ITPRID1: variants seen among roughly 807,000 people sequenced by gnomAD.
The protein encoded by ITPRID1 is ITPR interacting domain containing 1.
ITPRID1 carries 96 observed loss-of-function variants against 95.4 expected under a neutral mutation model. That is an observed-to-expected ratio of 1.01 (90% CI 0.85 to 1.19). The LOEUF is 1.19. Among genes scored for constraint, ITPRID1 ranks in the 50% most tolerant of loss-of-function variants. ITPRID1 has a pLI of 0.00. For missense variants in ITPRID1, 1,339 were observed against 1,252.9 expected (o/e 1.07, Z -1.04); for synonymous variants, 510 against 453.6 (o/e 1.12, Z -1.58).
intron 5 of ITPRID1, among the ~76,000 whole-genome samples, chr7:31,565,622 C>T (rs934483929): frequency 3.9e-5 from 6 of 152,156 alleles, no homozygotes; most frequent in African/African-American, 1.4e-4. Flanking sequence ...CTTGTAATCT[C>T]AGCTACTAGT....
At chr7:31,585,189 C>T (rs1249540772) in intron 10 of ITPRID1, among the ~76,000 whole-genome samples, 1 of 152,178 alleles carries the variant, frequency 6.6e-6, no homozygotes, top group African/African-American at 2.4e-5. Flanking sequence ...CCCACAGAGT[C>T]AGGAGGTAGT....
chr7:31,553,312 CT>C, intron 3 of ITPRID1, 125 bp downstream of exon 3: 1 of 855,956 alleles, frequency 1.2e-6, no homozygotes, highest in Non-Finnish European at 1.8e-6. Context: ...ACCAGTGTTC[CT>C]GGCATGATGC....
chr7:31,631,808 T>C (rs1789025824), intron 10 of ITPRID1, among the ~76,000 whole-genome samples: 1 of 152,258 alleles, frequency 6.6e-6, no homozygotes, highest in African/African-American at 2.4e-5. Context: ...CTCTTCTGCC[T>C]GAGACTTTTG....
chr7:31,523,871 C>T (rs1783344415), intron 1 of ITPRID1, among the ~76,000 whole-genome samples: 1 of 152,134 alleles, frequency 6.6e-6, no homozygotes, highest in Non-Finnish European at 1.5e-5. Flanking sequence ...TATAAACTAG[C>T]TCTTGTTAGG....
intron 1 of ITPRID1, among the ~76,000 whole-genome samples, chr7:31,546,176 G>A (rs1042015719): frequency 5.3e-5 from 8 of 152,010 alleles, no homozygotes; most frequent in African/African-American, 1.9e-4. Context: ...CATGCCCAAT[G>A]TCATACAGCC....
downstream of ITPRID1, among the ~76,000 whole-genome samples, chr7:31,658,013 G>C (rs1791376035): frequency 6.6e-6 from 1 of 152,102 alleles, no homozygotes; most frequent in Non-Finnish European, 1.5e-5. Flanking sequence ...CAAAAGCTTT[G>C]AATAGGTAAG....
intron 6 of ITPRID1, among the ~76,000 whole-genome samples, chr7:31,571,030 T>TG (rs1784969059): frequency 4.6e-5 from 7 of 150,658 alleles, no homozygotes; most frequent in Admixed American, 3.3e-4. Context: ...ATTGTTTTTT[T>TG]TTGTTTGTTT....
At chr7:31,608,516 G>A (rs182168889) in intron 10 of ITPRID1, among the ~76,000 whole-genome samples, 14 of 151,678 alleles carry the variant, frequency 9.2e-5, no homozygotes, top group Admixed American at 9.2e-4. Context: ...CCATTTATTT[G>A]GTCTTCTTTA....
In ITPRID1 at chr7:31,642,266, G is replaced by T; in HGVS notation, c.1311+8G>T. ...GAACCGCTGCCCCTCCAGGTAGGAG[G>T]GTTTGGAACAGGGCCCTGTTGCTCA... On this transcript the variant is annotated splice_region_variant and intron_variant, in intron 11 of 14. Coordinates refer to ENST00000615280, the MANE Select transcript of ITPRID1 (RefSeq NM_001257967.3). 4 of 1,543,312 alleles carry T rather than the reference G, an allele frequency of 2.6e-6. No individual in the cohort carries two copies. Among genetic ancestry groups the T allele is most frequent in the South Asian group, 2.4e-5 (2 of 83,526 alleles).
intron 10 of ITPRID1, among the ~76,000 whole-genome samples, chr7:31,619,953 A>G (rs955764303): frequency 3.3e-5 from 5 of 152,182 alleles, no homozygotes; most frequent in Admixed American, 1.3e-4. Context: ...CCAGGAGACT[A>G]TATCCCGCAC....
Position 31,643,690 on chromosome 7 carries a change from C to T in ITPRID1, c.2320C>T (p.His774Tyr), listed in dbSNP as rs1790221044. The change falls in exon 12 of 15, where the codon CAT becomes TAT. Residue 774 changes from histidine to tyrosine, a missense_variant. His to Tyr is a moderately conservative substitution (Grantham distance 83). Transcript: ENST00000615280. ...AGCTCTAAGCAACAAGACCTTGACA[C>T]ATGGGCCCCAGCCCCTCACCAAATC... The part of the protein sequence containing the change: ...TSALSNKTLT[H>Y]GPQPLTKSVS... The T allele has an allele frequency of 1.9e-6, 3 of 1,614,072 alleles. No homozygotes were observed. The highest frequency in any genetic ancestry group is 2.7e-5 in the African/African-American group (2 of 75,084).
At chr7:31,566,099 G>A (rs369428364) in intron 5 of ITPRID1, among the ~76,000 whole-genome samples, 1 of 152,214 alleles carries the variant, frequency 6.6e-6, no homozygotes, top group South Asian at 2.1e-4. Context: ...GGTCCATGGA[G>A]TGTATCCTCT....
At chr7:31,566,915 G>A (rs1784819935) in intron 5 of ITPRID1, among the ~76,000 whole-genome samples, 1 of 152,180 alleles carries the variant, frequency 6.6e-6, no homozygotes, top group Non-Finnish European at 1.5e-5. Flanking sequence ...GCTCCTGAAG[G>A]TGCCTCACGG....
At chr7:31,638,452 C>T (rs866397103) in intron 10 of ITPRID1, among the ~76,000 whole-genome samples, 5 of 152,134 alleles carry the variant, frequency 3.3e-5, no homozygotes, top group Middle Eastern at 3.2e-3. Context: ...TTTATAATAA[C>T]AGGTGTTTAT....
At chr7:31,574,801 C>T in intron 8 of ITPRID1, 59 bp downstream of exon 8, 1 of 1,484,262 alleles carries the variant, frequency 6.7e-7, no homozygotes, top group Non-Finnish European at 9.4e-7. Flanking sequence ...GGCAGGTGGG[C>T]CACAGTGTAG....
intron 9 of ITPRID1, among the ~76,000 whole-genome samples, chr7:31,579,396 T>A (rs1240307140): frequency 6.6e-6 from 1 of 152,236 alleles, no homozygotes; most frequent in Non-Finnish European, 1.5e-5. Flanking sequence ...GTGGGCTTAC[T>A]TCTCCGTTGA....
intron 5 of ITPRID1, among the ~76,000 whole-genome samples, chr7:31,562,638 C>A (rs1306334564): frequency 6.6e-6 from 1 of 152,106 alleles, no homozygotes; most frequent in East Asian, 1.9e-4. Flanking sequence ...GTGAAGGGAA[C>A]AATGATGTAA....
At chr7:31,604,057 T>C (rs1204299663) in intron 10 of ITPRID1, among the ~76,000 whole-genome samples, 1 of 152,206 alleles carries the variant, frequency 6.6e-6, no homozygotes, top group East Asian at 1.9e-4. Flanking sequence ...CCTAACTAAA[T>C]TGTTACTCCT....
chr7:31,626,621 C>A (rs1788490451), intron 10 of ITPRID1, among the ~76,000 whole-genome samples: 1 of 152,132 alleles, frequency 6.6e-6, no homozygotes, highest in South Asian at 2.1e-4. Flanking sequence ...TGAATCAAAA[C>A]AGTTTTTGAC....
Sources: allele counts gnomAD v4.1 joint callset (sites outside exome capture counted in the v4.1 genomes callset), GRCh38; gene constraint gnomAD v4.1.1; transcripts MANE v1.5; gene names NCBI Gene and HGNC (gene_info 2026-07-23, HGNC 2026-07-21).